Variants in ST6GAL1 observed in about 807,000 individuals in gnomAD.
The protein encoded by ST6GAL1 is beta-galactoside alpha-2,6-sialyltransferase 1.
In ST6GAL1, 20 loss-of-function variants were observed where a neutral mutation model predicts 38.0. That is an observed-to-expected ratio of 0.53 (90% CI 0.37 to 0.77). The LOEUF (loss-of-function observed/expected upper bound fraction) is 0.77. Ranked by LOEUF, ST6GAL1 falls within the 30% of genes least tolerant of loss-of-function variation. The pLI, the probability that ST6GAL1 is intolerant of heterozygous loss-of-function variation, is 0.00. For missense variants in ST6GAL1, 432 were observed against 496.4 expected (o/e 0.87, Z 1.23); for synonymous variants, 196 against 188.2 (o/e 1.04, Z -0.34).
At chr3:186,962,014 C>A (rs1431494940) in intron 1 of ST6GAL1, among the ~76,000 whole-genome samples, 3 of 152,198 alleles carry the variant, frequency 2.0e-5, no homozygotes, top group Non-Finnish European at 2.9e-5. Flanking sequence ...CCCACAGTGA[C>A]CCTGGCTCCT....
chr3:187,064,640 C>T (rs1266453972), intron 5 of ST6GAL1: 5 of 456,270 alleles, frequency 1.1e-5, no homozygotes, highest in Admixed American at 4.7e-5. Flanking sequence ...CTTTTCTCAC[C>T]TCCTGTAAGC....
intron 2 of ST6GAL1, among the ~76,000 whole-genome samples, chr3:186,985,222 C>T (rs1337514896): frequency 2.0e-5 from 3 of 152,012 alleles, no homozygotes; most frequent in Non-Finnish European, 2.9e-5. Context: ...TCCCCCCTTT[C>T]TTGTACTCTA....
intron 5 of ST6GAL1, among the ~76,000 whole-genome samples, chr3:187,063,009 C>G (rs1409752447): frequency 3.3e-5 from 5 of 152,062 alleles, no homozygotes; most frequent in Non-Finnish European, 4.4e-5. Flanking sequence ...TTTTGGGAAG[C>G]TGAAAAAGTT....
intron 2 of ST6GAL1, among the ~76,000 whole-genome samples, chr3:186,984,736 T>G (rs1715813512): frequency 3.4e-5 from 3 of 87,886 alleles, no homozygotes; most frequent in South Asian, 5.4e-4. Context: ...CCTTCCTTCC[T>G]TCCTTCCCTC....
chr3:186,976,944 A>G (rs550888456), intron 2 of ST6GAL1, among the ~76,000 whole-genome samples: 72 of 152,328 alleles, frequency 4.7e-4, no homozygotes, highest in Non-Finnish European at 8.1e-4. Flanking sequence ...CTGATACCAT[A>G]TGAATAAAGG....
At chr3:186,955,996 G>T (rs553381622) in intron 1 of ST6GAL1, among the ~76,000 whole-genome samples, 1 of 152,148 alleles carries the variant, frequency 6.6e-6, no homozygotes, top group African/African-American at 2.4e-5. Context: ...GCGCAGAGAG[G>T]TTAAACAACT....
intron 2 of ST6GAL1, among the ~76,000 whole-genome samples, chr3:187,030,365 A>G (rs1717701317): frequency 6.6e-6 from 1 of 152,228 alleles, no homozygotes; most frequent in African/African-American, 2.4e-5. Flanking sequence ...AACAAGTGTT[A>G]GAGGTTCACC....
At chr3:186,961,096 C>A (rs1436906431) in intron 1 of ST6GAL1, among the ~76,000 whole-genome samples, 1 of 151,916 alleles carries the variant, frequency 6.6e-6, no homozygotes, top group African/African-American at 2.4e-5. Flanking sequence ...CCTGCCTTGG[C>A]TTCCTAGAAA....
intron 5 of ST6GAL1, among the ~76,000 whole-genome samples, chr3:187,070,383 T>C (rs1719320254): frequency 6.7e-6 from 1 of 149,790 alleles, no homozygotes; most frequent in Non-Finnish European, 1.5e-5. Flanking sequence ...ATGCTTACAG[T>C]CTCTGCTTGG....
intron 2 of ST6GAL1, chr3:186,986,307 A>T (rs2108541566): frequency 6.6e-6 from 1 of 152,356 alleles, no homozygotes; most frequent in East Asian, 1.9e-4. Flanking sequence ...TTCATACCAA[A>T]GAGTCGCTAC....
At chr3:186,976,428 C>A (rs1405532996) in intron 2 of ST6GAL1, among the ~76,000 whole-genome samples, 1 of 151,880 alleles carries the variant, frequency 6.6e-6, no homozygotes, top group Non-Finnish European at 1.5e-5. Flanking sequence ...CATTTTATTT[C>A]ATTCTTTTTT....
chr3:187,003,430 A>G (rs1256492720), intron 2 of ST6GAL1, among the ~76,000 whole-genome samples: 1 of 152,244 alleles, frequency 6.6e-6, no homozygotes, highest in East Asian at 1.9e-4. Flanking sequence ...TCTGTGGCGC[A>G]GTCCAGTTGA....
chr3:187,041,441 C>T (rs770420706), intron 3 of ST6GAL1, among the ~76,000 whole-genome samples: 1 of 152,142 alleles, frequency 6.6e-6, no homozygotes, highest in African/African-American at 2.4e-5. Flanking sequence ...TAATGTTTTC[C>T]AAAAGATACA....
chr3:186,934,921 C>T (rs1230701773), intron 1 of ST6GAL1, among the ~76,000 whole-genome samples: 4 of 151,976 alleles, frequency 2.6e-5, no homozygotes, highest in South Asian at 2.1e-4. Context: ...TGCCCGCCAC[C>T]ACGCCCGGCT....
intron 2 of ST6GAL1, among the ~76,000 whole-genome samples, chr3:186,980,477 C>T (rs1715657088): frequency 6.6e-6 from 1 of 151,650 alleles, no homozygotes; most frequent in African/African-American, 2.4e-5. Flanking sequence ...AGATAGAGGT[C>T]GGATGGGCGC....
chr3:187,036,645 G>T (rs757958842), intron 2 of ST6GAL1, among the ~76,000 whole-genome samples: 19 of 152,156 alleles, frequency 1.2e-4, no homozygotes, highest in African/African-American at 2.9e-4. Flanking sequence ...AATTAATAAT[G>T]CAGGAACAGA....
chr3:186,986,689 G>T (rs1715935477), intron 2 of ST6GAL1: 1 of 152,202 alleles, frequency 6.6e-6, no homozygotes, highest in South Asian at 2.1e-4. Flanking sequence ...CGTTATCTGA[G>T]TTCTGGATGG....
At chr3:187,071,593 C>CAA (rs142292325) in intron 5 of ST6GAL1, among the ~76,000 whole-genome samples, 28 of 151,378 alleles carry the variant, frequency 1.8e-4, no homozygotes, top group African/African-American at 6.6e-4. Context: ...ACTAAAAATA[C>CAA]AAAAAAACCC....
chr3:186,958,185 T>C (rs907596953), intron 1 of ST6GAL1, among the ~76,000 whole-genome samples: 1 of 152,024 alleles, frequency 6.6e-6, no homozygotes, highest in Non-Finnish European at 1.5e-5. Flanking sequence ...AATGAGGTAA[T>C]AATGGACTCT....
Sources: gnomAD v4.1 joint callset for allele counts (sites outside exome capture counted in the v4.1 genomes callset) on GRCh38, gnomAD v4.1.1 for gene constraint, MANE v1.5 for transcripts, NCBI Gene and HGNC (gene_info 2026-07-23, HGNC 2026-07-21) for gene names.